Variants in CDH4 observed in about 807,000 individuals in gnomAD.
CDH4 encodes the protein cadherin 4.
CDH4 carries 33 observed loss-of-function variants against 86.0 expected under a neutral mutation model. That is an observed-to-expected ratio of 0.38 (90% CI 0.29 to 0.51). The LOEUF (loss-of-function observed/expected upper bound fraction) is 0.51. Among genes scored for constraint, CDH4 ranks in the 20% least tolerant of loss-of-function variants. The pLI is 0.86. For synonymous variants in CDH4, 555 were observed against 549.4 expected (o/e 1.01, Z -0.14); for missense variants, 1,114 against 1,307.4 (o/e 0.85, Z 2.28).
intron 2 of CDH4, among the ~76,000 whole-genome samples, chr20:61,603,266 T>A (rs778025065): frequency 2.0e-5 from 3 of 151,150 alleles, no homozygotes; most frequent in Non-Finnish European, 4.4e-5. Context: ...CCGTGGAGAG[T>A]GTTTGCAGGA....
chr20:61,531,179 T>C (rs2085948722), intron 2 of CDH4, among the ~76,000 whole-genome samples: 1 of 151,674 alleles, frequency 6.6e-6, no homozygotes, highest in African/African-American at 2.4e-5. Flanking sequence ...ATCTGTAAAA[T>C]GGGTATAGCA....
chr20:61,422,420 G>A (rs933813659), intron 2 of CDH4, among the ~76,000 whole-genome samples: 5 of 25,960 alleles, frequency 1.9e-4, no homozygotes, highest in Non-Finnish European at 3.1e-4. Context: ...GCAAAACTCC[G>A]TCTCAAAAAA....
chr20:61,654,311 A>C (rs77140189), intron 2 of CDH4, among the ~76,000 whole-genome samples: 1 of 152,210 alleles, frequency 6.6e-6, no homozygotes, highest in African/African-American at 2.4e-5. Flanking sequence ...TGCAATCGCA[A>C]GCACTCGGCA....
In CDH4 at chr20:61,397,660, T is replaced by C. The variant is rs143078582; in HGVS notation, c.169+142723T>C. ...TTTTCCCCATTTCAATGGTAATAGATATAAATGTTTAAACTGCACTATAGT... is the reference window on the plus strand; with the variant it reads ...TTTTCCCCATTTCAATGGTAATAGACATAAATGTTTAAACTGCACTATAGT... On this transcript the variant is annotated intron_variant, in intron 2 of 15. Transcript: ENST00000614565. 3.4e-4 allele frequency among the ~76,000 whole-genome samples: 51 copies of C among 149,378 alleles called. 1 individual carries two copies. The East Asian group carries it at 0.01, about 30-fold the overall frequency.
chr20:61,261,999 A>G (rs79666505), intron 2 of CDH4, among the ~76,000 whole-genome samples: 3,277 of 152,330 alleles, frequency 0.022, 55 homozygotes, highest in Middle Eastern at 0.041. Flanking sequence ...AGACTCTGCC[A>G]GCGCTGGGGA....
At chr20:61,520,500 C>G (rs1380376539) in intron 2 of CDH4, among the ~76,000 whole-genome samples, 1 of 152,210 alleles carries the variant, frequency 6.6e-6, no homozygotes, top group Non-Finnish European at 1.5e-5. Context: ...GTCAAGGGAG[C>G]TGTCTGTCAG....
At position 61,321,147 on chromosome 20, in the gene CDH4, G is replaced by A. The variant is rs536525401; in HGVS notation, c.169+66210G>A. ...CCACCTCGAGAGCGCATGCGAGAGA[G>A]AGGAAGAGAGAGAAGGCTCTGTGGG... On this transcript the variant is annotated intron_variant, in intron 2 of 15. Transcript: ENST00000614565. Among the ~76,000 whole-genome samples the A allele has an allele frequency of 2.4e-4, 36 of 152,358 alleles. No individual in the cohort carries two copies. In the South Asian group the frequency reaches 4.8e-3, roughly 20 times the overall value.
chr20:61,858,744 C>A (rs1367997476), intron 6 of CDH4, among the ~76,000 whole-genome samples: 1 of 152,210 alleles, frequency 6.6e-6, no homozygotes, highest in African/African-American at 2.4e-5. Flanking sequence ...GTATCCATAG[C>A]TCGTTCCTTT....
chr20:61,274,235 A>G (rs1390547453), intron 2 of CDH4, among the ~76,000 whole-genome samples: 80 of 58,760 alleles, frequency 1.4e-3, no homozygotes, highest in Middle Eastern at 0.019. Context: ...ACAGTTTGGG[A>G]GAGTACCATG....
chr20:61,360,899 G>A (rs528671330), intron 2 of CDH4, among the ~76,000 whole-genome samples: 2 of 152,162 alleles, frequency 1.3e-5, no homozygotes, highest in Admixed American at 6.5e-5. Context: ...AGACGGACTG[G>A]TTATTCCCAT....
intron 2 of CDH4, among the ~76,000 whole-genome samples, chr20:61,489,180 A>T (rs1186774337): frequency 1.3e-5 from 2 of 152,116 alleles, no homozygotes; most frequent in African/African-American, 4.8e-5. Flanking sequence ...TTTGCATGTG[A>T]CAGCTCCACC....
chr20:61,911,321 TA>T (rs1439686811), intron 9 of CDH4, among the ~76,000 whole-genome samples: 9 of 152,260 alleles, frequency 5.9e-5, no homozygotes, highest in African/African-American at 2.2e-4. Context: ...CAAATTTACT[TA>T]TAAAGGCCTA....
chr20:61,744,441 G>A (rs1182376661), intron 3 of CDH4, among the ~76,000 whole-genome samples: 6 of 62,374 alleles, frequency 9.6e-5, no homozygotes, highest in Admixed American at 1.5e-4. Flanking sequence ...GGAGGGAGAG[G>A]AAGAGAGGGA....
chr20:61,443,851 T>C (rs112389184), intron 2 of CDH4, among the ~76,000 whole-genome samples: 2 of 151,412 alleles, frequency 1.3e-5, no homozygotes, highest in Non-Finnish European at 2.9e-5. Context: ...TGTGATTGTG[T>C]GTATCTCTCT....
At chr20:61,665,221 C>A (rs909349541) in intron 2 of CDH4, among the ~76,000 whole-genome samples, 1 of 152,194 alleles carries the variant, frequency 6.6e-6, no homozygotes. Context: ...AAGGCGAGCA[C>A]CATGCTGGTG....
intron 1 of CDH4, among the ~76,000 whole-genome samples, chr20:61,253,282 C>T (rs1246563426): frequency 1.3e-5 from 2 of 150,800 alleles, no homozygotes; most frequent in Non-Finnish European, 3.0e-5. Flanking sequence ...CGGGAGGGCG[C>T]CCCGGGAGGG....
At chr20:61,929,381 G>A (rs1405258939) in intron 12 of CDH4, among the ~76,000 whole-genome samples, 1 of 152,120 alleles carries the variant, frequency 6.6e-6, no homozygotes, top group African/African-American at 2.4e-5. Context: ...CAAGTGATCT[G>A]CCCACCTCAG....
intron 2 of CDH4, among the ~76,000 whole-genome samples, chr20:61,396,599 G>A (rs532999720): frequency 2.7e-4 from 41 of 152,220 alleles, no homozygotes; most frequent in South Asian, 6.2e-4. Flanking sequence ...GGAGCATCCT[G>A]AGACCAGCAG....
At chr20:61,626,965 A>G (rs6089251) in intron 2 of CDH4, among the ~76,000 whole-genome samples, 64,743 of 151,890 alleles carry the variant, frequency 0.43, 13,855 homozygotes, top group East Asian at 0.61. Context: ...ATCCTGTAGG[A>G]GGGCGGACCC....
Sources: allele counts gnomAD v4.1 joint callset (sites outside exome capture counted in the v4.1 genomes callset), GRCh38; gene constraint gnomAD v4.1.1; transcripts MANE v1.5; gene names NCBI Gene and HGNC (gene_info 2026-07-23, HGNC 2026-07-21).